SOAT1: variants seen among roughly 807,000 people sequenced by gnomAD.
SOAT1 encodes the protein acyl-coenzyme A:cholesterol acyltransferase 1.
A neutral mutation model predicts 69.5 loss-of-function variants in SOAT1; 55 were observed. The ratio of observed to expected loss-of-function variants is 0.79; its 90% CI spans 0.64 to 0.99. The LOEUF (loss-of-function observed/expected upper bound fraction) is 0.99, where lower values mean the gene tolerates loss of function less well. Among genes scored for constraint, SOAT1 ranks in the 50% least tolerant of loss-of-function variants. The pLI is 0.00. For missense variants in SOAT1, 580 were observed against 669.3 expected (o/e 0.87, Z 1.47); for synonymous variants, 231 against 224.7 (o/e 1.03, Z -0.25).
At chr1:179,351,294 C>T in intron 14 of SOAT1, 23 bp from the exon 15 acceptor site, 1 of 1,611,344 alleles carries the variant, frequency 6.2e-7, no homozygotes, top group African/African-American at 1.3e-5. Context: ...CTGTATATTT[C>T]TTTGTTGCCT....
In SOAT1 at chr1:179,353,717, T is replaced by C. The variant is rs1037529497; in HGVS notation, c.*76T>C. On this transcript the variant is annotated 3_prime_UTR_variant, in exon 16 of 16. Coordinates refer to ENST00000367619, the MANE Select transcript of SOAT1 (RefSeq NM_003101.6). ...ATTTGGAGCCAGCTGTTTCCAGTTG[T>C]TACTGAAGTTATCTGTGTTATTTGG... is the stretch of plus-strand genomic sequence containing the variant. 4 of 1,224,548 alleles carry C rather than the reference T, an allele frequency of 3.3e-6. No individual in the cohort carries two copies. The African/African-American group carries it at 6.0e-5, about 18-fold the overall frequency. 75.9% of individuals were successfully genotyped at this position (1,224,548 alleles called of 1,614,324 possible).
intron 10 of SOAT1, among the ~76,000 whole-genome samples, chr1:179,343,920 A>T (rs1467688174): frequency 6.6e-6 from 1 of 152,186 alleles, no homozygotes; most frequent in Non-Finnish European, 1.5e-5. Flanking sequence ...CAGGAGTTCA[A>T]GACCAGCCTG....
chr1:179,315,790 C>T (rs1665372166), intron 2 of SOAT1, among the ~76,000 whole-genome samples: 1 of 152,128 alleles, frequency 6.6e-6, no homozygotes, highest in South Asian at 2.1e-4. Context: ...GGAAGGGATG[C>T]ACAAGTAGTG....
At chr1:179,315,168 G>A (rs917942319) in intron 2 of SOAT1, among the ~76,000 whole-genome samples, 1 of 152,152 alleles carries the variant, frequency 6.6e-6, no homozygotes, top group African/African-American at 2.4e-5. Flanking sequence ...GATGTGGGTG[G>A]GGATGGTGGC....
In SOAT1 at chr1:179,323,508, C is replaced by T. The variant is rs747288560; in HGVS notation, c.177+13C>T. 1 of 1,609,720 alleles carries T rather than the reference C, an allele frequency of 6.2e-7. No homozygotes were observed. On this transcript the variant is annotated intron_variant, in intron 3 of 15. Coordinates refer to ENST00000367619, the MANE Select transcript of SOAT1 (RefSeq NM_003101.6). ...AGCAGAGGCAGAGGCAAGTAACTCC[C>T]TCTTCTAGAAACAAAAATGTAGAGT...
intron 2 of SOAT1, among the ~76,000 whole-genome samples, chr1:179,304,433 A>G (rs1664936855): frequency 3.3e-5 from 5 of 151,994 alleles, no homozygotes; most frequent in Admixed American, 3.3e-4. Flanking sequence ...ATGCGTCACC[A>G]CGTGCAGATA....
intron 2 of SOAT1, among the ~76,000 whole-genome samples, chr1:179,323,108 G>T (rs758957522): frequency 8.0e-6 from 1 of 125,074 alleles, no homozygotes; most frequent in African/African-American, 3.0e-5. Context: ...AAAGGTTTTC[G>T]TTTTTTAATA....
chr1:179,339,814 G>T (rs1195834435), intron 6 of SOAT1, among the ~76,000 whole-genome samples: 1 of 152,180 alleles, frequency 6.6e-6, no homozygotes, highest in Non-Finnish European at 1.5e-5. Flanking sequence ...ATACACAGTT[G>T]ACCTACGAAC....
Position 179,354,134 on chromosome 1 carries a change from A to G in SOAT1, c.*493A>G, listed in dbSNP as rs114257904. ...GAAAAAATGTAGAATGATTTTTGCT[A>G]TTTCTAGTAGAAAGAAAATGTCTGT... On this transcript the variant is annotated 3_prime_UTR_variant, in exon 16 of 16. Transcript: ENST00000367619. The G allele has an allele frequency of 2.9e-3, 441 of 152,946 alleles. 3 individuals carry two copies. The highest frequency in any genetic ancestry group is 9.5e-3 in the African/African-American group (395 of 41,584). 9.5% of individuals were successfully genotyped at this position (152,946 alleles called of 1,614,324 possible).
Position 179,302,696 on chromosome 1 carries a change from A to G in SOAT1, c.12A>G (p.Glu4=), listed in dbSNP as rs1190307074. 6.3e-7 allele frequency: 1 copy of G among 1,598,984 alleles called. No individual in the cohort carries two copies. Among genetic ancestry groups the G allele is most frequent in the Admixed American group, 1.8e-5 (1 of 54,914 alleles). ...TCCTAGACAATACAATGGTGGGTGA[A>G]GAGAAGATGTCTCTAAGAAACCGGC... MVG[E]EKMSLRNRLS... Residue 4 remains glutamate, a synonymous_variant, in exon 2 of 16, where the codon GAA becomes GAG. Transcript: ENST00000367619.
At chr1:179,298,401 T>C (rs1351597197) in intron 1 of SOAT1, among the ~76,000 whole-genome samples, 2 of 152,160 alleles carry the variant, frequency 1.3e-5, no homozygotes, top group Non-Finnish European at 2.9e-5. Flanking sequence ...TTTTAGCTTT[T>C]GATGTAAGGT....
chr1:179,296,464 A>G (rs978918743), intron 1 of SOAT1, among the ~76,000 whole-genome samples: 6 of 152,174 alleles, frequency 3.9e-5, no homozygotes, highest in Non-Finnish European at 8.8e-5. Context: ...GCCAAGTTCT[A>G]TTTTTCTAAG....
chr1:179,324,238 G>A (rs569142049), intron 3 of SOAT1, among the ~76,000 whole-genome samples: 2 of 152,132 alleles, frequency 1.3e-5, no homozygotes, highest in African/African-American at 2.4e-5. Context: ...TTCATGAAAT[G>A]TATGCCAGAT....
At position 179,352,358 on chromosome 1, in the gene SOAT1, C is replaced by A. The variant is rs145002920; in HGVS notation, c.1596+896C>A. Among the ~76,000 whole-genome samples, 568 of 151,676 alleles carry A rather than the reference C, an allele frequency of 3.7e-3. 7 individuals carry two copies. The highest frequency in any genetic ancestry group is 0.012 in the African/African-American group (513 of 41,352). ...ATTGATGTGATCTGGTTAATTAGATCTACTAGCACTAGCTGAAAGTACTGC... is the reference window on the plus strand; with the variant it reads ...ATTGATGTGATCTGGTTAATTAGATATACTAGCACTAGCTGAAAGTACTGC... On this transcript the variant is annotated intron_variant, in intron 15 of 15. Coordinates refer to ENST00000367619, the MANE Select transcript of SOAT1 (RefSeq NM_003101.6).
chr1:179,343,497 C>A (rs1240873580), intron 9 of SOAT1, 93 bp from the exon 10 acceptor site: 59 of 1,102,346 alleles, frequency 5.4e-5, no homozygotes, highest in Non-Finnish European at 7.2e-5. Flanking sequence ...GTGTGAGCCA[C>A]CGCGCCTGAC....
chr1:179,302,567 G>C, intron 1 of SOAT1, 110 bp from the exon 2 acceptor site: 2 of 606,918 alleles, frequency 3.3e-6, no homozygotes, highest in Non-Finnish European at 5.4e-6. Context: ...CAGCCATGCG[G>C]AACTGTGAGA....
Position 179,302,709 on chromosome 1 carries a change from C to A in SOAT1, c.25C>A (p.Leu9Ile). 6.2e-7 allele frequency: 1 copy of A among 1,604,838 alleles called. No individual in the cohort carries two copies. The highest frequency in any genetic ancestry group is 8.5e-7 in the Non-Finnish European group (1 of 1,177,696). The change falls in exon 2 of 16, where the codon CTA becomes ATA. Residue 9 changes from leucine to isoleucine, a missense_variant. Coordinates refer to ENST00000367619, the MANE Select transcript of SOAT1 (RefSeq NM_003101.6). MVGEEKMS[L>I]RNRLSKSREN... is the part of the protein sequence containing the mutation. ...AATGGTGGGTGAAGAGAAGATGTCTCTAAGAAACCGGCTGTCAAAGTCCAG... is the reference window on the plus strand; with the variant it reads ...AATGGTGGGTGAAGAGAAGATGTCTATAAGAAACCGGCTGTCAAAGTCCAG...
At chr1:179,352,310 C>A (rs1004401340) in intron 15 of SOAT1, among the ~76,000 whole-genome samples, 14 of 151,574 alleles carry the variant, frequency 9.2e-5, no homozygotes, top group African/African-American at 3.1e-4. Context: ...AGGAATTTCC[C>A]AGCAAACACT....
chr1:179,329,579 G>T (rs1350913976), intron 3 of SOAT1, among the ~76,000 whole-genome samples: 1 of 151,726 alleles, frequency 6.6e-6, no homozygotes, highest in African/African-American at 2.4e-5. Flanking sequence ...AAATTAGGCG[G>T]GTCTGGTGGT....
Sources: allele counts gnomAD v4.1 joint callset (sites outside exome capture counted in the v4.1 genomes callset), GRCh38; gene constraint gnomAD v4.1.1; transcripts MANE v1.5; gene names NCBI Gene and HGNC (gene_info 2026-07-23, HGNC 2026-07-21).